The following SNTG1 variants were observed in gnomAD, a reference collection of about 807,000 sequenced individuals.
The protein encoded by SNTG1 is syntrophin gamma 1, also known as gamma-1-syntrophin.
In SNTG1, 39 loss-of-function variants were observed where a neutral mutation model predicts 74.7. The observed-to-expected ratio is 0.52, with a 90% confidence interval of 0.40 to 0.68. The LOEUF is 0.68. Among genes scored for constraint, SNTG1 ranks in the 30% least tolerant of loss-of-function variants. The pLI, the probability that SNTG1 is intolerant of heterozygous loss-of-function variation, is 0.00. For missense variants in SNTG1, 685 were observed against 609.5 expected (o/e 1.12, Z -1.30); for synonymous variants, 254 against 217.1 (o/e 1.17, Z -1.49).
chr8:50,067,237 T>C (rs77978282), intron 1 of SNTG1, among the ~76,000 whole-genome samples: 2 of 152,326 alleles, frequency 1.3e-5, no homozygotes, highest in African/African-American at 2.4e-5. Context: ...AACATTCTTA[T>C]TTCCTACATA....
intron 8 of SNTG1, among the ~76,000 whole-genome samples, chr8:50,493,592 A>G (rs1295772865): frequency 6.6e-6 from 1 of 152,124 alleles, no homozygotes; most frequent in African/African-American, 2.4e-5. Flanking sequence ...TGTTGATTAA[A>G]CATTTGACCA....
rs1353678240 is a variant in SNTG1, at chr8:50,461,598, A to G, written c.363+10869A>G. Among the ~76,000 whole-genome samples the G allele has an allele frequency of 4.6e-5, 7 of 152,188 alleles. No individual in the cohort carries two copies. In the South Asian group the frequency reaches 1.2e-3, roughly 27 times the overall value. ...ATTTTATACTTTGGGATGTAATCCA[A>G]TACTATCTTATATATTTTACTGGTC... is the stretch of plus-strand genomic sequence containing the variant. On this transcript the variant is annotated intron_variant, in intron 8 of 18. Transcript: ENST00000642720.
chr8:50,716,736 T>TC (rs2095475953), intron 17 of SNTG1, among the ~76,000 whole-genome samples: 1 of 151,098 alleles, frequency 6.6e-6, no homozygotes, highest in Admixed American at 6.6e-5. Flanking sequence ...TCTTATTCTT[T>TC]TTTTTTTTCT....
chr8:50,691,444 G>A (rs1027490825), intron 15 of SNTG1, among the ~76,000 whole-genome samples: 2 of 152,128 alleles, frequency 1.3e-5, no homozygotes, highest in Admixed American at 6.5e-5. Context: ...TGCAGGCCTG[G>A]TGGTGACAAA....
intron 12 of SNTG1, among the ~76,000 whole-genome samples, chr8:50,556,990 T>G (rs974361827): frequency 6.6e-5 from 10 of 152,136 alleles, no homozygotes; most frequent in Admixed American, 5.9e-4. Context: ...CAGAGGCCCA[T>G]GCCAGCTCTC....
chr8:50,034,666 T>C (rs1373802529), intron 1 of SNTG1, among the ~76,000 whole-genome samples: 1 of 152,066 alleles, frequency 6.6e-6, no homozygotes, highest in Non-Finnish European at 1.5e-5. Context: ...GGAGAAAGAA[T>C]TGTCTTGGGC....
chr8:50,324,938 C>A (rs1360872505), intron 2 of SNTG1, among the ~76,000 whole-genome samples: 2 of 133,992 alleles, frequency 1.5e-5, no homozygotes, highest in South Asian at 2.4e-4. Context: ...GCATTTTATA[C>A]ATATATATAT....
intron 2 of SNTG1, among the ~76,000 whole-genome samples, chr8:50,339,135 G>T (rs928719908): frequency 1.3e-5 from 2 of 152,034 alleles, no homozygotes; most frequent in African/African-American, 4.8e-5. Context: ...AACAAGTGGA[G>T]TGAAATAATT....
chr8:50,468,841 A>C (rs775996725), intron 8 of SNTG1, among the ~76,000 whole-genome samples: 1 of 152,142 alleles, frequency 6.6e-6, no homozygotes, highest in East Asian at 1.9e-4. Flanking sequence ...GTTTTTAAAA[A>C]TCTGTATGCA....
chr8:49,976,636 A>G (rs973198096), intron 1 of SNTG1, among the ~76,000 whole-genome samples: 1 of 152,160 alleles, frequency 6.6e-6, no homozygotes, highest in Non-Finnish European at 1.5e-5. Context: ...TTAAACTGAG[A>G]TGTAATTGAC....
chr8:50,761,040 T>A (rs563683778), intron 18 of SNTG1, among the ~76,000 whole-genome samples: 111 of 152,116 alleles, frequency 7.3e-4, no homozygotes, highest in African/African-American at 2.4e-3. Context: ...AGCATCATCC[T>A]GATACCAAAA....
At chr8:50,619,141 T>A (rs1427236423) in intron 13 of SNTG1, among the ~76,000 whole-genome samples, 1 of 152,190 alleles carries the variant, frequency 6.6e-6, no homozygotes, top group South Asian at 2.1e-4. Context: ...ATCAAAGTGG[T>A]TCTGCTATTA....
intron 2 of SNTG1, among the ~76,000 whole-genome samples, chr8:50,319,510 C>A (rs1352447880): frequency 1.3e-5 from 2 of 152,186 alleles, no homozygotes; most frequent in Non-Finnish European, 2.9e-5. Context: ...ACATCCTCTG[C>A]AAACAAGGAT....
chr8:50,469,143 G>T (rs73583472), intron 8 of SNTG1, among the ~76,000 whole-genome samples: 4,585 of 152,150 alleles, frequency 0.03, 226 homozygotes, highest in African/African-American at 0.1. Flanking sequence ...AATCCCTGTA[G>T]GAATTCCTAC....
intron 1 of SNTG1, among the ~76,000 whole-genome samples, chr8:50,078,810 G>T (rs1361032279): frequency 6.6e-6 from 1 of 152,176 alleles, no homozygotes; most frequent in Non-Finnish European, 1.5e-5. Flanking sequence ...AGAAAATGCA[G>T]TTTTTGGTTT....
In SNTG1 at chr8:50,796,512, T is replaced by G. The variant is rs977282085; in HGVS notation, c.*3683T>G. On this transcript the variant is annotated 3_prime_UTR_variant, in exon 19 of 19. Transcript: ENST00000642720. ...AAATGCAGTGAAAAGACAAGAAATA[T>G]AAAATGTAAATATATTTATTTCATT... 6.6e-6 allele frequency: 1 copy of G among 151,916 alleles called. No individual in the cohort carries two copies. Among genetic ancestry groups the G allele is most frequent in the African/African-American group, 2.4e-5 (1 of 41,432 alleles). The allele number at this position is 151,916 out of a possible 1,614,324, so 9.4% of individuals were successfully genotyped here.
At chr8:50,597,779 T>C (rs2094741558) in intron 13 of SNTG1, among the ~76,000 whole-genome samples, 1 of 152,004 alleles carries the variant, frequency 6.6e-6, no homozygotes, top group Non-Finnish European at 1.5e-5. Context: ...TGATACCTCA[T>C]TTTGGTTTTG....
intron 1 of SNTG1, among the ~76,000 whole-genome samples, chr8:50,087,721 C>G (rs1181235998): frequency 6.6e-6 from 1 of 152,030 alleles, no homozygotes; most frequent in Non-Finnish European, 1.5e-5. Context: ...AGACAGACAA[C>G]TATGGGCAGT....
chr8:50,066,796 G>A (rs991321293), intron 1 of SNTG1, among the ~76,000 whole-genome samples: 2 of 152,102 alleles, frequency 1.3e-5, no homozygotes, highest in Admixed American at 6.5e-5. Flanking sequence ...CCCTCTGCAC[G>A]TTGACTTTGT....
Sources: gnomAD v4.1 joint callset for allele counts (sites outside exome capture counted in the v4.1 genomes callset) on GRCh38, gnomAD v4.1.1 for gene constraint, MANE v1.5 for transcripts, NCBI Gene and HGNC (gene_info 2026-07-23, HGNC 2026-07-21) for gene names.